MTCL2: variants seen among roughly 807,000 people sequenced by gnomAD.
MTCL2 encodes the protein microtubule crosslinking factor 2, also known as microtubule cross-linking factor 2.
the MTCL2 span, among the ~76,000 whole-genome samples, chr20:36,810,730 C>CTCTCTCTCTA: frequency 6.8e-6 from 1 of 147,558 alleles, no homozygotes; most frequent in South Asian, 2.3e-4. Flanking sequence ...CTCTCTCTCT[C>CTCTCTCTCTA]TCTCTCTCTC....
the MTCL2 span, among the ~76,000 whole-genome samples, chr20:36,821,233 A>G: frequency 6.6e-6 from 1 of 152,202 alleles, no homozygotes; most frequent in Non-Finnish European, 1.5e-5. Flanking sequence ...TAAAAAATAC[A>G]TATTCTGGCT....
the MTCL2 span, among the ~76,000 whole-genome samples, chr20:36,835,720 C>A: frequency 1.3e-5 from 2 of 152,186 alleles, no homozygotes; most frequent in African/African-American, 2.4e-5. Flanking sequence ...AGCGCTCCAG[C>A]TGCAGCGTGG....
At chr20:36,784,928 A>G in the MTCL2 span, 10 of 985,420 alleles carry the variant, frequency 1.0e-5, no homozygotes, top group Non-Finnish European at 1.2e-5. Flanking sequence ...CTCATTTGGG[A>G]AACTTGGAGG....
the MTCL2 span, chr20:36,808,456 C>T: frequency 2.7e-6 from 4 of 1,467,034 alleles, no homozygotes; most frequent in Non-Finnish European, 3.7e-6. Flanking sequence ...GGCGTCCCTT[C>T]CCTGTCCCTC....
the MTCL2 span, chr20:36,781,025 A>G: frequency 6.6e-6 from 1 of 152,212 alleles, no homozygotes; most frequent in Non-Finnish European, 1.5e-5. Context: ...ACTTAATTGC[A>G]TGATTATGGG....
chr20:36,841,874 G>GGGGTGTGTGTGTGTGT, the MTCL2 span, among the ~76,000 whole-genome samples: 147 of 110,838 alleles, frequency 1.3e-3, 1 homozygote, highest in African/African-American at 4.4e-3. Context: ...TGGGGGGTGG[G>GGGGTGTGTGTGTGTGT]GTGTGTGTGT....
chr20:36,824,426 A>T, the MTCL2 span, among the ~76,000 whole-genome samples: 6 of 151,850 alleles, frequency 4.0e-5, no homozygotes, highest in African/African-American at 1.2e-4. Flanking sequence ...GTCACCAAAG[A>T]CTCCATTTGG....
chr20:36,845,939 CCTAA>C, the MTCL2 span, among the ~76,000 whole-genome samples: 4 of 152,204 alleles, frequency 2.6e-5, no homozygotes, highest in East Asian at 5.8e-4. Context: ...TCCCAGACCC[CCTAA>C]CTGTGTGGAA....
the MTCL2 span, among the ~76,000 whole-genome samples, chr20:36,796,469 G>T: frequency 3.3e-5 from 5 of 152,186 alleles, no homozygotes; most frequent in African/African-American, 1.2e-4. Context: ...TGGGGTGGGG[G>T]TCTCCTTGGC....
At chr20:36,862,215 G>A in the MTCL2 span, among the ~76,000 whole-genome samples, 1 of 152,242 alleles carries the variant, frequency 6.6e-6, no homozygotes, top group Non-Finnish European at 1.5e-5. Context: ...AACGACTCAG[G>A]ATGGCATTCA....
the MTCL2 span, chr20:36,793,860 T>G: frequency 1.0e-5 from 16 of 1,547,886 alleles, 1 homozygote; most frequent in South Asian, 1.9e-4. This position sits in a 1 kb window ranked among gnomAD's most constrained non-coding sequence, Gnocchi z 6.8. Context: ...AGCGAAGAGC[T>G]GCGGGGTGAC....
the MTCL2 span, among the ~76,000 whole-genome samples, chr20:36,813,769 AAAAAAAAG>A: frequency 6.6e-6 from 1 of 150,630 alleles, no homozygotes; most frequent in Non-Finnish European, 1.5e-5. Flanking sequence ...AAAAAAAAAA[AAAAAAAAG>A]ATAAAAGAAA....
the MTCL2 span, among the ~76,000 whole-genome samples, chr20:36,848,418 C>A: frequency 2.6e-5 from 4 of 152,228 alleles, no homozygotes; most frequent in Admixed American, 2.6e-4. Flanking sequence ...CCTCTTGGTC[C>A]CGGCTGGGCC....
the MTCL2 span, among the ~76,000 whole-genome samples, chr20:36,857,192 A>G: frequency 2.6e-5 from 4 of 152,132 alleles, no homozygotes; most frequent in East Asian, 3.9e-4. Context: ...TGTACTTCTG[A>G]TAAGTCTGAG....
chr20:36,813,752 CAAAAAAA>C, the MTCL2 span, among the ~76,000 whole-genome samples: 5 of 65,844 alleles, frequency 7.6e-5, no homozygotes, highest in Admixed American at 6.7e-4. Flanking sequence ...GACTCTGTCT[CAAAAAAA>C]AAAAAAAAAA....
the MTCL2 span, among the ~76,000 whole-genome samples, chr20:36,789,345 G>C: frequency 6.6e-6 from 1 of 152,140 alleles, no homozygotes; most frequent in Non-Finnish European, 1.5e-5. Flanking sequence ...GTTTCTGTCA[G>C]AGTGCTTTGA....
the MTCL2 span, among the ~76,000 whole-genome samples, chr20:36,836,341 ATTTTTT>A: frequency 5.9e-5 from 5 of 85,408 alleles, no homozygotes; most frequent in South Asian, 3.9e-4. Context: ...CGCCCAGCTA[ATTTTTT>A]TTTTTTTTTT....
chr20:36,830,600 C>G, the MTCL2 span, among the ~76,000 whole-genome samples: 1 of 152,166 alleles, frequency 6.6e-6, no homozygotes, highest in Non-Finnish European at 1.5e-5. Flanking sequence ...CAAAACAAAA[C>G]AGAGAGGGGA....
chr20:36,784,770 C>G, the MTCL2 span: 1 of 985,588 alleles, frequency 1.0e-6, no homozygotes, highest in Non-Finnish European at 1.2e-6. Flanking sequence ...GGGAGAAGAG[C>G]CGTGAAAGGC....
Sources: gnomAD v4.1 joint callset for allele counts (sites outside exome capture counted in the v4.1 genomes callset) on GRCh38, gnomAD v4.1.1 for gene constraint, Gnocchi (gnomAD v3.1) non-coding constraint, MANE v1.5 for transcripts, NCBI Gene and HGNC (gene_info 2026-07-23, HGNC 2026-07-21) for gene names.